The following HACL1 variants were observed in gnomAD, a reference collection of about 807,000 sequenced individuals.
The protein encoded by HACL1 is 2-hydroxyacyl-CoA lyase 1.
In HACL1, 64 loss-of-function variants were observed where a neutral mutation model predicts 74.2. The ratio of observed to expected loss-of-function variants is 0.86; its 90% CI spans 0.70 to 1.06. The LOEUF (loss-of-function observed/expected upper bound fraction) is 1.06, where lower values mean the gene tolerates loss of function less well. Ranked by LOEUF, HACL1 falls within the 50% of genes least tolerant of loss-of-function variation. The pLI is 0.00. For missense variants in HACL1, 728 were observed against 719.7 expected (o/e 1.01, Z -0.13); for synonymous variants, 230 against 238.8 (o/e 0.96, Z 0.34).
At chr3:15,592,525 T>TGC in intron 3 of HACL1, among the ~76,000 whole-genome samples, 1 of 144,104 alleles carries the variant, frequency 6.9e-6, no homozygotes, top group African/African-American at 2.6e-5. Context: ...TGTATACATA[T>TGC]ACACATGTAT....
rs1168602726 is a variant in HACL1, at chr3:15,601,074, C to G, written c.186+16G>C. 6.6e-7 allele frequency: 1 copy of G among 1,523,532 alleles called. No homozygotes were observed. The highest frequency in any genetic ancestry group is 9.1e-7 in the Non-Finnish European group (1 of 1,097,110). 94.4% of individuals were successfully genotyped at this position (1,523,532 alleles called of 1,614,324 possible). ...CATTCCCAGTAACGCATTCAGCCAC[C>G]TGAGTCCATACTCACCGCTTGCTCA... On this transcript the variant is annotated intron_variant, in intron 2 of 16. Coordinates refer to ENST00000321169, the MANE Select transcript of HACL1 (RefSeq NM_012260.4).
chr3:15,579,962 T>A lies in HACL1; in HGVS notation c.751A>T (p.Lys251Ter), dbSNP rs372319058. The A allele has an allele frequency of 6.2e-7, 1 of 1,610,642 alleles. No homozygotes were observed. Among genetic ancestry groups the A allele is most frequent in the African/African-American group, 1.3e-5 (1 of 74,848 alleles). ...KLPFLPTPMG[K>*]GVVPDNHPYC... The stretch of plus-strand genomic sequence containing the variant: ...GGATGGTTGTCAGGGACAACACCCT[T>A]CCCCATAGGGGTGGGCAAAAATGGC... The change falls in exon 9 of 17, where the codon AAG becomes TAG. Residue 251 changes from lysine (K) to a stop codon, truncating the protein, a stop_gained. Coordinates refer to ENST00000321169, the MANE Select transcript of HACL1 (RefSeq NM_012260.4). LOFTEE classifies it high-confidence loss of function.
chr3:15,568,763 G>C (rs886460157), intron 12 of HACL1, among the ~76,000 whole-genome samples, 177 bp from the exon 13 acceptor site: 1 of 152,160 alleles, frequency 6.6e-6, no homozygotes, highest in African/African-American at 2.4e-5. Flanking sequence ...CAGCCCTGGG[G>C]GACATGTGTA....
At position 15,580,003 on chromosome 3, in the gene HACL1, A is replaced by C; in HGVS notation, c.710T>G (p.Val237Gly). 2 of 1,610,950 alleles carry C rather than the reference A, an allele frequency of 1.2e-6. No individual in the cohort carries two copies. Among genetic ancestry groups the C allele is most frequent in the Non-Finnish European group, 1.7e-6 (2 of 1,177,174 alleles). Residue 237 changes from valine to glycine, a missense_variant, in exon 9 of 17, where the codon GTG becomes GGG. By Grantham distance (109) the Val-to-Gly change is moderately radical (BLOSUM62 -3). Coordinates refer to ENST00000321169, the MANE Select transcript of HACL1 (RefSeq NM_012260.4). Reference protein sequence around the residue: ...AHAEESIKKLVEQYKLPFLPT... With the variant: ...AHAEESIKKLGEQYKLPFLPT... The stretch of plus-strand genomic sequence containing the variant: ...CAAAAATGGCAGTTTATATTGCTCC[A>C]CCAATTTCTTGATACTCTCTTCTGC...
Position 15,564,649 on chromosome 3 carries a change from C to A in HACL1, c.1419G>T (p.Leu473Phe). 1 of 1,407,930 alleles carries A rather than the reference C, an allele frequency of 7.1e-7. No individual in the cohort carries two copies. The highest frequency in any genetic ancestry group is 1.8e-5 in the Admixed American group (1 of 55,218). The allele number at this position is 1,407,930 out of a possible 1,614,324, so 87.2% of individuals were successfully genotyped here. The change falls in exon 15 of 17, where the codon TTG becomes TTT. Residue 473 changes from leucine to phenylalanine, a missense_variant. Leu to Phe is a conservative substitution (Grantham distance 22). Transcript: ENST00000321169. ...MEVETICRYN[L>F]PIILLVVNNN... Reference sequence around the variant, plus strand: ...TATTCACTACCAACAGTATGATTGGCAAGTTGTACCTAAAGTGAGAGTAAA... The same window carrying A: ...TATTCACTACCAACAGTATGATTGGAAAGTTGTACCTAAAGTGAGAGTAAA...
chr3:15,571,747 G>A lies in HACL1; in HGVS notation c.1016C>T (p.Thr339Ile), dbSNP rs556065159. The A allele has an allele frequency of 2.4e-6, 3 of 1,275,656 alleles. No individual in the cohort carries two copies. Among genetic ancestry groups the A allele is most frequent in the African/African-American group, 3.3e-5 (2 of 60,438 alleles). 79.0% of individuals were successfully genotyped at this position (1,275,656 alleles called of 1,614,324 possible). ...TKQLLEELDKTPWQYPPESKW... is the reference protein window; with the variant it reads ...TKQLLEELDKIPWQYPPESKW... ...GCTCTCTGGAGGATACTGCCATGGT[G>A]TTTTATCAAGTTCCTCTAAAAGCTT... is the stretch of plus-strand genomic sequence containing the variant. The change falls in exon 12 of 17, where the codon ACA becomes ATA. Residue 339 changes from threonine (T) to isoleucine (I), a missense_variant. Transcript: ENST00000321169.
At chr3:15,570,156 G>C (rs1268944972) in intron 12 of HACL1, among the ~76,000 whole-genome samples, 1 of 152,048 alleles carries the variant, frequency 6.6e-6, no homozygotes, top group Admixed American at 6.5e-5. Flanking sequence ...CCAACATGGT[G>C]AAACTCCATC....
chr3:15,588,461 C>T (rs886409715), intron 5 of HACL1, among the ~76,000 whole-genome samples: 3 of 151,954 alleles, frequency 2.0e-5, no homozygotes, highest in Admixed American at 1.3e-4. Context: ...GGCATGGTGG[C>T]GTGTGCCTAT....
At chr3:15,568,349 C>T (rs1039130681) in intron 13 of HACL1, 83 bp downstream of exon 13, 12 of 848,920 alleles carry the variant, frequency 1.4e-5, no homozygotes, top group East Asian at 9.8e-5. Context: ...AATTCTCAAA[C>T]GTCTTCTTAA....
chr3:15,573,952 T>C (rs773623179), intron 10 of HACL1, among the ~76,000 whole-genome samples: 1 of 152,214 alleles, frequency 6.6e-6, no homozygotes, highest in African/African-American at 2.4e-5. Context: ...CAGGTAACTC[T>C]GTCTTGTTTG....
chr3:15,563,239 G>T (rs2063374862), intron 16 of HACL1, 119 bp downstream of exon 16: 1 of 669,008 alleles, frequency 1.5e-6, no homozygotes, highest in African/African-American at 1.8e-5. Context: ...GCCAAACTCA[G>T]AAATGGTTTA....
At chr3:15,574,312 G>A (rs1258508983) in intron 10 of HACL1, among the ~76,000 whole-genome samples, 1 of 152,226 alleles carries the variant, frequency 6.6e-6, no homozygotes, top group Non-Finnish European at 1.5e-5. Flanking sequence ...AGACTGAAGT[G>A]AGCCATTATC....
intron 4 of HACL1, among the ~76,000 whole-genome samples, chr3:15,590,985 G>A (rs976566429): frequency 2.0e-5 from 3 of 152,174 alleles, no homozygotes; most frequent in Non-Finnish European, 4.4e-5. Flanking sequence ...GGAGGCTGAC[G>A]CAGGAGAATC....
intron 2 of HACL1, 196 bp downstream of exon 2, chr3:15,600,894 G>C (rs1033497535): frequency 3.3e-6 from 2 of 611,498 alleles, no homozygotes; most frequent in Admixed American, 2.6e-5. Context: ...TGTCACCAAA[G>C]GCAAGTTTTA....
At position 15,579,055 on chromosome 3, in the gene HACL1, T is replaced by A. The variant is rs185000677; in HGVS notation, c.803+855A>T. Among the ~76,000 whole-genome samples the A allele has an allele frequency of 1.3e-4, 20 of 152,358 alleles. No homozygotes were observed. The East Asian group carries it at 2.9e-3, about 22-fold the overall frequency. ...GAAACTGAAGTGACCCTGGAACTAC[T>A]TATATATGGTTAAGTTCACACTTCG... On this transcript the variant is annotated intron_variant, in intron 9 of 16. Coordinates refer to ENST00000321169, the MANE Select transcript of HACL1 (RefSeq NM_012260.4).
In HACL1 at chr3:15,575,084, T is replaced by G. The variant is rs2063599384; in HGVS notation, c.804-2A>C. On this transcript the variant is annotated splice_acceptor_variant, in intron 9 of 16. Coordinates refer to ENST00000321169, the MANE Select transcript of HACL1 (RefSeq NM_012260.4). LOFTEE classifies it high-confidence loss of function. ...ATTACATCAGCAAATTGCAAAGCCC[T>G]ATTAAAAAAATTGATATGAAAGTAT... 1 of 1,471,884 alleles carries G rather than the reference T, an allele frequency of 6.8e-7. No homozygotes were observed. Among genetic ancestry groups the G allele is most frequent in the Non-Finnish European group, 9.5e-7 (1 of 1,054,830 alleles). The allele number at this position is 1,471,884 out of a possible 1,614,324, so 91.2% of individuals were successfully genotyped here.
At chr3:15,590,193 T>C (rs2063866259) in intron 4 of HACL1, among the ~76,000 whole-genome samples, 1 of 152,170 alleles carries the variant, frequency 6.6e-6, no homozygotes, top group African/African-American at 2.4e-5. Context: ...CTTCCAGGTA[T>C]ATTGACATAA....
At chr3:15,571,089 C>T (rs553209884) in intron 12 of HACL1, among the ~76,000 whole-genome samples, 73 of 152,234 alleles carry the variant, frequency 4.8e-4, no homozygotes, top group Admixed American at 7.8e-4. Context: ...AGCAATCCTC[C>T]AACCTCAGCC....
intron 5 of HACL1, among the ~76,000 whole-genome samples, chr3:15,589,296 A>G (rs1214839626): frequency 6.6e-6 from 1 of 152,118 alleles, no homozygotes; most frequent in African/African-American, 2.4e-5. Flanking sequence ...CAAGAGTTCA[A>G]GACCAGCCTG....
Sources: allele counts gnomAD v4.1 joint callset (sites outside exome capture counted in the v4.1 genomes callset), GRCh38; gene constraint gnomAD v4.1.1; transcripts MANE v1.5; gene names NCBI Gene and HGNC (gene_info 2026-07-23, HGNC 2026-07-21).